The following STAG2 variants were observed in gnomAD, a reference collection of about 807,000 sequenced individuals.
STAG2 encodes cohesin subunit SA-2.
STAG2 carries 14 observed loss-of-function variants against 108.1 expected under a neutral mutation model. That is an observed-to-expected ratio of 0.13 (90% CI 0.09 to 0.20). The LOEUF (loss-of-function observed/expected upper bound fraction) is 0.20, where lower values mean the gene tolerates loss of function less well. STAG2 is among the 10% of genes least tolerant of loss of function. The pLI is 1.00. For missense variants in STAG2, 440 were observed against 940.9 expected (o/e 0.47, Z 6.96); for synonymous variants, 307 against 302.7 (o/e 1.01, Z -0.15).
At chrX:124,071,562 A>G (rs748199672) in intron 25 of STAG2, among the ~76,000 whole-genome samples, 30 of 111,664 alleles carry the variant, frequency 2.7e-4, no homozygotes, top group African/African-American at 9.4e-4. Flanking sequence ...TCTGCTTTCT[A>G]ATTTCTAACT....
intron 10 of STAG2, among the ~76,000 whole-genome samples, chrX:124,049,858 C>T (rs1056760806): frequency 8.9e-6 from 1 of 112,346 alleles, no homozygotes; most frequent in African/African-American, 3.2e-5. Flanking sequence ...AAATTACGCT[C>T]TAGCCAGACA....
rs1179730186 is a variant in STAG2, at chrX:124,025,884, T to C, written c.89T>C (p.Ile30Thr). The change falls in exon 4 of 35, where the codon ATC becomes ACC. Residue 30 changes from isoleucine (I) to threonine (T), a missense_variant. By Grantham distance (89) the Ile-to-Thr change is moderately conservative. Around this residue, in one of 3 missense-constraint regions of STAG2, gnomAD observed 34 missense variants for 36.7 expected, o/e 0.93. Coordinates refer to ENST00000371145, the MANE Select transcript of STAG2 (RefSeq NM_001042750.2). ...TCTTCTGACACAGATTTTGAAGATA[T>C]CGAAGGAAAAAACCAAAAGCAAGGC... ...HFSSDTDFED[I>T]EGKNQKQGKG... 2.5e-6 allele frequency: 3 copies of C among 1,189,996 alleles called. No individual in the cohort carries two copies. The highest frequency in any genetic ancestry group is 6.1e-5 in the East Asian group (2 of 32,621).
chrX:124,041,039 C>T (rs956256428), intron 6 of STAG2, among the ~76,000 whole-genome samples: 1 of 106,630 alleles, frequency 9.4e-6, no homozygotes, highest in Non-Finnish European at 1.9e-5. Flanking sequence ...TTAGTAGTGA[C>T]GGGGTTTCAC....
chrX:124,018,446 TTGGATGGATGGA>T (rs59257430), intron 1 of STAG2, among the ~76,000 whole-genome samples: 138 of 102,774 alleles, frequency 1.3e-3, no homozygotes, highest in African/African-American at 4.0e-3. Context: ...GGGAAACACA[TTGGATGGATGGA>T]TGGATGGATG....
At chrX:123,981,190 C>T (rs1232874370) in intron 1 of STAG2, among the ~76,000 whole-genome samples, 5 of 110,594 alleles carry the variant, frequency 4.5e-5, no homozygotes, top group African/African-American at 1.6e-4. Context: ...GTATACAGTT[C>T]AGTGGCATTG....
chrX:123,983,974 CTTTT>C lies in STAG2; in HGVS notation c.-163+22136_-163+22139del, dbSNP rs199881082. ...AAAAAGAATAATTTTCTTTTCTTTT[CTTTT>C]TTTTTTTTTTTTTTTTTGAGACGGG... On this transcript the variant is annotated intron_variant, in intron 1 of 34. Coordinates refer to ENST00000371145, the MANE Select transcript of STAG2 (RefSeq NM_001042750.2). Among the ~76,000 whole-genome samples, 50 of 61,461 alleles carry C rather than the reference CTTTT, an allele frequency of 8.1e-4. 1 individual carries two copies. In the East Asian group the frequency reaches 0.018, roughly 22 times the overall value. 53.4% of individuals were successfully genotyped at this position (61,461 alleles called of 115,157 possible).
rs763351405 is a variant in STAG2, at chrX:123,968,418, G to C, written c.-163+6562G>C. 2.4e-4 allele frequency among the ~76,000 whole-genome samples: 27 copies of C among 111,954 alleles called. No individual in the cohort carries two copies. In the East Asian group the frequency reaches 7.6e-3, roughly 32 times the overall value. On this transcript the variant is annotated intron_variant, in intron 1 of 34. Transcript: ENST00000371145. ...CTCACCCTCTGAATCCCAGCACTTT[G>C]GTAGGCCAAGGTGGGAAGATCTGTT... is the stretch of plus-strand genomic sequence containing the variant.
chrX:124,048,013 T>G (rs749437984), intron 9 of STAG2, among the ~76,000 whole-genome samples: 2 of 112,352 alleles, frequency 1.8e-5, no homozygotes, highest in Admixed American at 9.4e-5. Flanking sequence ...TAAAATCTTT[T>G]GATGCTGCGG....
chrX:123,985,910 T>C (rs770338679), intron 1 of STAG2, among the ~76,000 whole-genome samples: 1 of 108,848 alleles, frequency 9.2e-6, no homozygotes, highest in Non-Finnish European at 1.9e-5. Flanking sequence ...TGGCCCAGGG[T>C]TACACAATTA....
intron 26 of STAG2, among the ~76,000 whole-genome samples, chrX:124,077,462 TA>T (rs2148411646): frequency 8.9e-6 from 1 of 111,732 alleles, no homozygotes; most frequent in South Asian, 3.7e-4. Context: ...AAACAACTTT[TA>T]AAAGTTGTTT....
At position 124,068,576 on chromosome X, in the gene STAG2, C is replaced by T. The variant is rs2058595620; in HGVS notation, c.2278C>T (p.Arg760Cys). 2 of 1,183,026 alleles carry T rather than the reference C, an allele frequency of 1.7e-6. No homozygotes were observed. Residue 760 changes from arginine to cysteine, a missense_variant, in exon 24 of 35, where the codon CGT (arginine) becomes TGT (cysteine). By Grantham distance (180) the Arg-to-Cys change is radical. Transcript: ENST00000371145. ...ESSSTKEDLL[R>C]LKKQMRVFCQ... is the part of the protein sequence containing the mutation. ...AAATTTTTTCAAGGAGGACTTGCTGCGTTTAAAGAAACAAATGAGAGTATT... is the reference window on the plus strand; with the variant it reads ...AAATTTTTTCAAGGAGGACTTGCTGTGTTTAAAGAAACAAATGAGAGTATT...
In STAG2 at chrX:124,039,586, A is replaced by AGTTT. The variant is rs200107817; in HGVS notation, c.385+1986_385+1989dup. On this transcript the variant is annotated intron_variant, in intron 6 of 34. Coordinates refer to ENST00000371145, the MANE Select transcript of STAG2 (RefSeq NM_001042750.2). ...ATGAGCCACCTTCCTGGCATGAGTG[A>AGTTT]GTTTGTTTGTTTGTTTGTTTGTTTG... 1.1e-3 allele frequency among the ~76,000 whole-genome samples: 117 copies of AGTTT among 105,422 alleles called. No individual in the cohort carries two copies. The South Asian group carries it at 0.03, about 27-fold the overall frequency. The allele number at this position is 105,422 out of a possible 115,157, so 91.5% of individuals were successfully genotyped here. A position where few individuals can be genotyped will look rare whatever the true frequency, so the allele number is the denominator to read the frequency against.
intron 20 of STAG2, among the ~76,000 whole-genome samples, chrX:124,065,050 A>G (rs1351926475): frequency 1.8e-5 from 2 of 111,596 alleles, no homozygotes; most frequent in Non-Finnish European, 3.8e-5. Context: ...TTAATTACTC[A>G]TTTAACTTTT....
At chrX:124,061,175 G>A in intron 15 of STAG2, 49 bp from the exon 16 acceptor site, 1 of 926,217 alleles carries the variant, frequency 1.1e-6, no homozygotes. Context: ...TTTGAGTTAA[G>A]GCTAGTATGA....
intron 13 of STAG2, among the ~76,000 whole-genome samples, chrX:124,052,867 A>AG (rs1215339726): frequency 2.9e-5 from 3 of 102,261 alleles, no homozygotes; most frequent in African/African-American, 1.1e-4. Flanking sequence ...CCCAGGCTGG[A>AG]GTGCAGTGGC....
chrX:124,031,858 G>A (rs1327855887), intron 5 of STAG2, among the ~76,000 whole-genome samples: 2 of 108,884 alleles, frequency 1.8e-5, no homozygotes, highest in East Asian at 5.7e-4. Flanking sequence ...AGCCTCCCGA[G>A]TAGCTGGGAT....
intron 5 of STAG2, among the ~76,000 whole-genome samples, chrX:124,033,292 A>AT (rs1481006591): frequency 8.9e-6 from 1 of 112,236 alleles, no homozygotes; most frequent in Non-Finnish European, 1.9e-5. Flanking sequence ...CTTTTGGGTT[A>AT]TTTTTATCAA....
In STAG2 at chrX:123,967,003, A is replaced by C. The variant is rs1051546944; in HGVS notation, c.-163+5147A>C. Among the ~76,000 whole-genome samples, 26 of 106,658 alleles carry C rather than the reference A, an allele frequency of 2.4e-4. No homozygotes were observed. In the South Asian group the frequency reaches 0.01, roughly 42 times the overall value. The allele number at this position is 106,658 out of a possible 115,157, so 92.6% of individuals were successfully genotyped here. A position where few individuals can be genotyped will look rare whatever the true frequency, so the allele number is the denominator to read the frequency against. Reference sequence around the variant, plus strand: ...GGGTTCAAGTGATTCTCCTGCCTCAACCTCCCAGTAGCTGGGATTACAGGT... The same window carrying C: ...GGGTTCAAGTGATTCTCCTGCCTCACCCTCCCAGTAGCTGGGATTACAGGT... On this transcript the variant is annotated intron_variant, in intron 1 of 34. Coordinates refer to ENST00000371145, the MANE Select transcript of STAG2 (RefSeq NM_001042750.2).
At chrX:123,992,073 C>T (rs2055510610) in intron 1 of STAG2, among the ~76,000 whole-genome samples, 1 of 112,007 alleles carries the variant, frequency 8.9e-6, no homozygotes, top group South Asian at 3.6e-4. Context: ...AATATTGGGC[C>T]ATTTTATATA....
Sources: allele counts gnomAD v4.1 joint callset (sites outside exome capture counted in the v4.1 genomes callset), GRCh38; gene constraint gnomAD v4.1.1; regional missense constraint gnomAD v4.1.1; transcripts MANE v1.5; gene names NCBI Gene and HGNC (gene_info 2026-07-23, HGNC 2026-07-21).